The following TOX variants were observed in gnomAD, a reference collection of about 807,000 sequenced individuals.
The protein encoded by TOX is thymocyte selection associated high mobility group box, also known as thymocyte selection-associated high mobility group box protein TOX.
In TOX, 11 loss-of-function variants were observed where a neutral mutation model predicts 53.7. The observed-to-expected ratio is 0.20, with a 90% CI of 0.13 to 0.34. TOX has a LOEUF of 0.34. TOX is among the 10% of genes least tolerant of loss of function. The probability of loss-of-function intolerance (pLI) is 1.00; values close to 1 mark genes in which losing one functional copy is unlikely to be tolerated. For missense variants in TOX, 570 were observed against 664.6 expected (o/e 0.86, Z 1.56); for synonymous variants, 225 against 245.3 (o/e 0.92, Z 0.77).
At chr8:59,059,194 T>C (rs916757079) in intron 1 of TOX, among the ~76,000 whole-genome samples, 2 of 152,216 alleles carry the variant, frequency 1.3e-5, no homozygotes, top group African/African-American at 4.8e-5. Flanking sequence ...AATTGTCTTC[T>C]AGAATATAAA....
At chr8:59,000,397 A>G (rs1431728674) in intron 1 of TOX, among the ~76,000 whole-genome samples, 2 of 152,208 alleles carry the variant, frequency 1.3e-5, no homozygotes, top group African/African-American at 4.8e-5. Flanking sequence ...GCTAGAGGCT[A>G]GATGAATATT....
chr8:58,998,634 T>C (rs1263264689), intron 1 of TOX, among the ~76,000 whole-genome samples: 3 of 142,350 alleles, frequency 2.1e-5, no homozygotes, highest in Admixed American at 1.4e-4. Flanking sequence ...ATATATTTTA[T>C]ATATATAATA....
chr8:58,902,402 C>CG (rs1256473769), intron 3 of TOX, among the ~76,000 whole-genome samples: 10 of 152,012 alleles, frequency 6.6e-5, no homozygotes, highest in Non-Finnish European at 2.9e-5. Context: ...AGATGCAGGA[C>CG]GGGGGGTCCT....
intron 1 of TOX, among the ~76,000 whole-genome samples, chr8:59,076,790 C>A (rs1379248497): frequency 6.6e-6 from 1 of 152,134 alleles, no homozygotes. Flanking sequence ...TAGTACCCAA[C>A]CTAACAGTCT....
chr8:58,943,132 C>T (rs1489104250), intron 2 of TOX, among the ~76,000 whole-genome samples: 1 of 152,184 alleles, frequency 6.6e-6, no homozygotes, highest in Non-Finnish European at 1.5e-5. Flanking sequence ...GTGACTGGTA[C>T]CTCCTATCCC....
intron 1 of TOX, among the ~76,000 whole-genome samples, chr8:58,968,927 T>C (rs1812952247): frequency 6.6e-6 from 1 of 152,180 alleles, no homozygotes; most frequent in African/African-American, 2.4e-5. Flanking sequence ...TAAAACTTTT[T>C]TAAAAAACCA....
chr8:58,856,659 T>C (rs1810921571), intron 3 of TOX, among the ~76,000 whole-genome samples: 1 of 152,020 alleles, frequency 6.6e-6, no homozygotes, highest in African/African-American at 2.4e-5. Context: ...TTTGCAGCTA[T>C]GCATGGCCCT....
intron 8 of TOX, 31 bp downstream of exon 8, chr8:58,808,087 C>G: frequency 1.3e-6 from 2 of 1,596,260 alleles, no homozygotes; most frequent in Middle Eastern, 1.7e-4. Flanking sequence ...GAGCGCTGTC[C>G]ACCACCAGGT....
At chr8:59,090,625 G>C (rs60839071) in intron 1 of TOX, among the ~76,000 whole-genome samples, 2 of 152,114 alleles carry the variant, frequency 1.3e-5, no homozygotes, top group Admixed American at 1.3e-4. Flanking sequence ...CAAGTATTCA[G>C]GGTCCCTGCT....
intron 1 of TOX, among the ~76,000 whole-genome samples, chr8:59,012,075 C>T (rs1443499705): frequency 6.6e-6 from 1 of 152,124 alleles, no homozygotes; most frequent in African/African-American, 2.4e-5. Flanking sequence ...TTCTCCCTGT[C>T]ACCCTTGTAT....
chr8:59,093,812 T>C (rs550062957), intron 1 of TOX, among the ~76,000 whole-genome samples: 1 of 152,312 alleles, frequency 6.6e-6, no homozygotes, highest in Admixed American at 6.5e-5. Context: ...TAAAAAATGA[T>C]CCAGGAGGAT....
At position 58,975,262 on chromosome 8, in the gene TOX, ACC is replaced by A. The variant is rs1299126668; in HGVS notation, c.103-15256_103-15255del. Among the ~76,000 whole-genome samples the A allele has an allele frequency of 9.1e-4, 125 of 138,064 alleles. 1 individual carries two copies. Among genetic ancestry groups the A allele is most frequent in the East Asian group, 7.9e-3 (37 of 4,690 alleles). The allele number at this position is 138,064 out of a possible 152,430, so 90.6% of individuals were successfully genotyped here. ...TATATATATACACACACACACACAC[ACC>A]CCCACACAGAGAGAGAGAGAGAGAG... On this transcript the variant is annotated intron_variant, in intron 1 of 8. Coordinates refer to ENST00000361421, the MANE Select transcript of TOX (RefSeq NM_014729.3).
chr8:58,922,537 C>CAT (rs1039322668), intron 3 of TOX, among the ~76,000 whole-genome samples: 1 of 152,088 alleles, frequency 6.6e-6, no homozygotes, highest in Non-Finnish European at 1.5e-5. Flanking sequence ...CAAACACACA[C>CAT]ATATATATGT....
intron 6 of TOX, among the ~76,000 whole-genome samples, chr8:58,816,028 G>C (rs189659054): frequency 1.3e-5 from 2 of 151,982 alleles, no homozygotes; most frequent in African/African-American, 2.4e-5. Flanking sequence ...TGTGGAGGGT[G>C]GGGGACGGGA....
intron 1 of TOX, among the ~76,000 whole-genome samples, chr8:58,973,845 T>G (rs1345173451): frequency 6.6e-6 from 1 of 152,040 alleles, no homozygotes; most frequent in Non-Finnish European, 1.5e-5. Context: ...TCACCCAGGC[T>G]GGAGTGTAGT....
chr8:58,963,571 T>C (rs1313157998), intron 1 of TOX, among the ~76,000 whole-genome samples: 1 of 152,246 alleles, frequency 6.6e-6, no homozygotes, highest in African/African-American at 2.4e-5. Flanking sequence ...TGAGACTCTC[T>C]GCTCACAGTT....
chr8:58,998,774 G>GA (rs1813633332), intron 1 of TOX, among the ~76,000 whole-genome samples: 1 of 151,660 alleles, frequency 6.6e-6, no homozygotes, highest in African/African-American at 2.4e-5. Context: ...TCTGCTAACT[G>GA]AATAATTGAT....
intron 1 of TOX, among the ~76,000 whole-genome samples, chr8:59,084,960 T>A (rs564031095): frequency 2.4e-3 from 366 of 152,354 alleles, no homozygotes; most frequent in Non-Finnish European, 3.8e-3. Context: ...CAATGGATAT[T>A]CTGTAGTAGT....
At chr8:58,939,257 T>C in intron 3 of TOX, 45 bp downstream of exon 3, 1 of 1,606,820 alleles carries the variant, frequency 6.2e-7, no homozygotes, top group Non-Finnish European at 8.5e-7. Flanking sequence ...CTTGTCCTTA[T>C]GGTATCCCTC....
Sources: gnomAD v4.1 joint callset for allele counts (sites outside exome capture counted in the v4.1 genomes callset) on GRCh38, gnomAD v4.1.1 for gene constraint, MANE v1.5 for transcripts, NCBI Gene and HGNC (gene_info 2026-07-23, HGNC 2026-07-21) for gene names.